Variants in SLC22A23 observed in about 807,000 individuals in gnomAD.
SLC22A23 encodes solute carrier family 22 member 23.
Under a neutral mutation model 61.0 loss-of-function variants are expected in SLC22A23, and 26 were observed. That is an observed-to-expected ratio of 0.43 (90% CI 0.31 to 0.59). The LOEUF is 0.59. Among genes scored for constraint, SLC22A23 ranks in the 20% least tolerant of loss-of-function variants. The probability of loss-of-function intolerance (pLI) is 0.11; values close to 1 mark genes in which losing one functional copy is unlikely to be tolerated. For synonymous variants in SLC22A23, 430 were observed against 413.9 expected, an observed-to-expected ratio of 1.04 and a Z score of -0.47; for missense variants, 796 against 934.7, an observed-to-expected ratio of 0.85 and a Z score of 1.94.
Position 3,322,612 on chromosome 6 carries a change from C to T in SLC22A23, c.1082+1222G>A, listed in dbSNP as rs767857973. ...CCTTTTCCCATCTGCTATTGCTGGCCCCCTGCTGCTGCCGAGGTCCTCATA... is the reference window on the plus strand; with the variant it reads ...CCTTTTCCCATCTGCTATTGCTGGCTCCCTGCTGCTGCCGAGGTCCTCATA... On this transcript the variant is annotated intron_variant, in intron 4 of 9. Transcript: ENST00000406686. The surrounding 1 kb of genome is among the most constrained non-coding windows in gnomAD (Gnocchi z 4.1). 6.6e-6 allele frequency among the ~76,000 whole-genome samples: 1 copy of T among 152,128 alleles called. No homozygotes were observed. The highest frequency in any genetic ancestry group is 1.5e-5 in the Non-Finnish European group (1 of 68,012).
intron 3 of SLC22A23, among the ~76,000 whole-genome samples, chr6:3,365,869 G>C (rs145502574): frequency 1.3e-5 from 2 of 152,230 alleles, no homozygotes; most frequent in African/African-American, 4.8e-5. Flanking sequence ...TTATCTTCTG[G>C]CCGACATACT....
intron 3 of SLC22A23, among the ~76,000 whole-genome samples, chr6:3,365,410 G>A (rs904417803): frequency 4.6e-5 from 7 of 152,192 alleles, no homozygotes; most frequent in Non-Finnish European, 7.3e-5. Context: ...AAACACAGGA[G>A]TAGACTACAG....
At chr6:3,320,353 T>C (rs2127394318) in intron 4 of SLC22A23, among the ~76,000 whole-genome samples, 1 of 152,278 alleles carries the variant, frequency 6.6e-6, no homozygotes, top group African/African-American at 2.4e-5. Context: ...CACACGTTTG[T>C]CTTTACTGCC....
chr6:3,432,645 C>T (rs1249293251), intron 1 of SLC22A23, among the ~76,000 whole-genome samples: 5 of 152,210 alleles, frequency 3.3e-5, no homozygotes, highest in African/African-American at 9.7e-5. Context: ...GAATGCAGTT[C>T]GTCTCAGGAT....
intron 1 of SLC22A23, among the ~76,000 whole-genome samples, chr6:3,453,518 G>A (rs901214984): frequency 6.6e-6 from 1 of 152,166 alleles, no homozygotes; most frequent in Admixed American, 6.5e-5. Flanking sequence ...TGGCTTGACA[G>A]TTTCACGTGT....
In SLC22A23 at chr6:3,414,241, A is replaced by G. The variant is rs975160794; in HGVS notation, c.758+1511T>C. Among the ~76,000 whole-genome samples the G allele has an allele frequency of 1.3e-5, 2 of 152,202 alleles. No homozygotes were observed. The highest frequency in any genetic ancestry group is 3.8e-4 in the East Asian group (2 of 5,204). ...AGACAGTGACATGGATTATATTAGT[A>G]TATTTTTCTAACCTATTTCAATGTA... On this transcript the variant is annotated intron_variant, in intron 2 of 9. Coordinates refer to ENST00000406686, the MANE Select transcript of SLC22A23 (RefSeq NM_015482.2). This position sits in a 1 kb window ranked among gnomAD's most constrained non-coding sequence, Gnocchi z 5.1.
chr6:3,432,338 C>T (rs1038536815), intron 1 of SLC22A23: 2 of 985,328 alleles, frequency 2.0e-6, no homozygotes, highest in African/African-American at 1.7e-5. Context: ...TTTGAAGAAG[C>T]CTAAGTTTAA....
At position 3,272,923 on chromosome 6, in the gene SLC22A23, T is replaced by TC. The variant is rs1758566775; in HGVS notation, c.*131dup. On this transcript the variant is annotated 3_prime_UTR_variant, in exon 10 of 10. Transcript: ENST00000406686. The stretch of plus-strand genomic sequence containing the variant: ...CTTGGACTTTTGGAAAGACAGGATT[T>TC]CCCCACACCAGTTGAGAGGCTCAGC... 1 of 789,628 alleles carries TC rather than the reference T, an allele frequency of 1.3e-6. No individual in the cohort carries two copies. Among genetic ancestry groups the TC allele is most frequent in the Non-Finnish European group, 2.0e-6 (1 of 506,530 alleles). 48.9% of individuals were successfully genotyped at this position (789,628 alleles called of 1,614,324 possible).
chr6:3,412,920 C>G (rs1040432349), intron 2 of SLC22A23, among the ~76,000 whole-genome samples: 1 of 152,146 alleles, frequency 6.6e-6, no homozygotes, highest in Non-Finnish European at 1.5e-5. Flanking sequence ...TCTCCTGGGT[C>G]TTGCAAAAAG....
intron 3 of SLC22A23, among the ~76,000 whole-genome samples, chr6:3,396,654 T>C (rs1182006924): frequency 6.6e-6 from 1 of 152,102 alleles, no homozygotes; most frequent in African/African-American, 2.4e-5. Flanking sequence ...CACAGGCGGC[T>C]GGATGTTGAG....
chr6:3,333,285 G>A lies in SLC22A23; in HGVS notation c.914-9283C>T, dbSNP rs1418645330. On this transcript the variant is annotated intron_variant, in intron 3 of 9. Coordinates refer to ENST00000406686, the MANE Select transcript of SLC22A23 (RefSeq NM_015482.2). The surrounding 1 kb of genome is among the most constrained non-coding windows in gnomAD (Gnocchi z 4.1). ...GGGCCAGCTCTTTGCCCTGAAATAC[G>A]GTCAGTTCAGAAGAGGCAGCATCAT... Among the ~76,000 whole-genome samples the A allele has an allele frequency of 2.0e-5, 3 of 152,130 alleles. No homozygotes were observed. Among genetic ancestry groups the A allele is most frequent in the Non-Finnish European group, 2.9e-5 (2 of 68,020 alleles).
At chr6:3,282,283 C>T (rs1243150790) in intron 9 of SLC22A23, 3 of 702,508 alleles carry the variant, frequency 4.3e-6, no homozygotes, top group Admixed American at 2.0e-5. Flanking sequence ...CAACTGCAAG[C>T]ACTAAATAAG....
chr6:3,296,339 C>T (rs573788846), intron 5 of SLC22A23, among the ~76,000 whole-genome samples: 2 of 152,310 alleles, frequency 1.3e-5, no homozygotes, highest in South Asian at 4.1e-4. Context: ...GACTTTGCAC[C>T]CCTGCTGGAC....
chr6:3,287,528 G>A (rs1032566434), intron 6 of SLC22A23, among the ~76,000 whole-genome samples: 2 of 152,114 alleles, frequency 1.3e-5, no homozygotes, highest in Non-Finnish European at 2.9e-5. Context: ...GCGGGTAAGC[G>A]GCAACTCAGA....
intron 3 of SLC22A23, among the ~76,000 whole-genome samples, chr6:3,397,564 A>G (rs114859853): frequency 1.4e-3 from 219 of 151,216 alleles, no homozygotes; most frequent in African/African-American, 5.2e-3. Context: ...TGAAATTTAC[A>G]TATCTTTCTA....
At chr6:3,323,457 C>T in intron 4 of SLC22A23, 1 of 411,990 alleles carries the variant, frequency 2.4e-6, no homozygotes, top group Non-Finnish European at 4.7e-6. Context: ...TAAATCACTC[C>T]TTTAATATCT....
intron 1 of SLC22A23, among the ~76,000 whole-genome samples, chr6:3,417,081 G>A (rs1347546104): frequency 6.6e-6 from 1 of 152,154 alleles, no homozygotes; most frequent in Admixed American, 6.5e-5. Flanking sequence ...CCTTATCGAG[G>A]CCCCTGAGGC....
chr6:3,347,580 C>A, intron 3 of SLC22A23, among the ~76,000 whole-genome samples: 1 of 152,028 alleles, frequency 6.6e-6, no homozygotes, highest in Non-Finnish European at 1.5e-5. Flanking sequence ...GTCTCCTAAG[C>A]TGCTTCTCTC....
intron 3 of SLC22A23, among the ~76,000 whole-genome samples, chr6:3,383,199 G>T (rs1767063766): frequency 6.6e-6 from 1 of 152,230 alleles, no homozygotes; most frequent in South Asian, 2.1e-4. Flanking sequence ...CTGAGTGAAA[G>T]ATAACGTATG....
Sources: allele counts gnomAD v4.1 joint callset (sites outside exome capture counted in the v4.1 genomes callset), GRCh38; gene constraint gnomAD v4.1.1; non-coding constraint Gnocchi (gnomAD v3.1); transcripts MANE v1.5; gene names NCBI Gene and HGNC (gene_info 2026-07-23, HGNC 2026-07-21).